Variants in TNRC6B observed in about 807,000 individuals in gnomAD.
TNRC6B encodes trinucleotide repeat-containing gene 6B protein.
Under a neutral mutation model 203.6 loss-of-function variants are expected in TNRC6B, and 52 were observed. The ratio of observed to expected loss-of-function variants is 0.26; its 90% CI spans 0.20 to 0.32. The LOEUF is 0.32. TNRC6B is among the 10% of genes least tolerant of loss of function. The probability of loss-of-function intolerance (pLI) is 1.00; values close to 1 mark genes in which losing one functional copy is unlikely to be tolerated. For missense variants in TNRC6B, 1,923 were observed against 2,286.2 expected (o/e 0.84, Z 3.24); for synonymous variants, 838 against 845.7 (o/e 0.99, Z 0.16).
At chr22:40,091,878 T>G (rs546791852) in intron 1 of TNRC6B, among the ~76,000 whole-genome samples, 2 of 152,340 alleles carry the variant, frequency 1.3e-5, no homozygotes, top group Admixed American at 1.3e-4. Flanking sequence ...TGTATGGGTG[T>G]GAGACTTGAA....
chr22:40,130,749 C>T (rs1234008108), intron 3 of TNRC6B, among the ~76,000 whole-genome samples: 3 of 130,974 alleles, frequency 2.3e-5, no homozygotes, highest in African/African-American at 9.1e-5. Context: ...CGCCGCTGCA[C>T]TCCAGCCTGG....
At chr22:40,228,217 TAGGAGATTG>T (rs1166036897) in intron 1 of TNRC6B, among the ~76,000 whole-genome samples, 1 of 151,902 alleles carries the variant, frequency 6.6e-6, no homozygotes, top group African/African-American at 2.4e-5. Flanking sequence ...CGCCTGATGT[TAGGAGATTG>T]AGACCAGCCT....
At chr22:40,241,569 C>T (rs1392472719) in intron 1 of TNRC6B, among the ~76,000 whole-genome samples, 1 of 152,200 alleles carries the variant, frequency 6.6e-6, no homozygotes, top group East Asian at 1.9e-4. Flanking sequence ...AGGTTAAACA[C>T]ATTTAAAAGG....
At position 40,161,427 on chromosome 22, in the gene TNRC6B, G is replaced by A. The variant is rs575116167; in HGVS notation, c.113+5245G>A. On this transcript the variant is annotated intron_variant, in intron 4 of 23. Transcript: ENST00000301923. The stretch of plus-strand genomic sequence containing the variant: ...AGGTCACAGAGCAGATTCTTGTAAT[G>A]ATTAGGACTAAAATTATGTAATTAG... Among the ~76,000 whole-genome samples, 34 of 152,250 alleles carry A rather than the reference G, an allele frequency of 2.2e-4. 1 individual carries two copies. The South Asian group carries it at 7.1e-3, about 32-fold the overall frequency.
intron 1 of TNRC6B, among the ~76,000 whole-genome samples, chr22:40,242,317 T>C (rs1569034989): frequency 6.6e-6 from 1 of 152,250 alleles, no homozygotes; most frequent in East Asian, 1.9e-4. Context: ...TTCACGTCAA[T>C]AACTAATTTA....
At position 40,097,235 on chromosome 22, in the gene TNRC6B, A is replaced by AT. The variant is rs1180914465; in HGVS notation, c.-120-19819dup. ...AATTTATGCTCTTTGTAAAAACTTG[A>AT]TGTTTATGAAGTAGAAAATGGAAAA... On this transcript the variant is annotated intron_variant, in intron 1 of 23. Coordinates refer to the TNRC6B transcript ENST00000301923. 2.6e-5 allele frequency among the ~76,000 whole-genome samples: 4 copies of AT among 152,258 alleles called. No homozygotes were observed. In the East Asian group the frequency reaches 7.7e-4, roughly 29 times the overall value.
chr22:40,323,132 A>C lies in TNRC6B; in HGVS notation c.5393A>C (p.Tyr1798Ser). The change falls in exon 23 of 23, where the codon TAT becomes TCT. Residue 1798 changes from tyrosine to serine, a missense_variant. By Grantham distance (144) the Tyr-to-Ser change is moderately radical (BLOSUM62 -2). Coordinates refer to ENST00000454349, the MANE Select transcript of TNRC6B (RefSeq NM_001162501.2). ...GCTTCATTGTGGGGGCCCCCAAACT[A>C]TTCTTCTAGCTTATGGGGAGTCCCA... ...AGASLWGPPN[Y>S]SSSLWGVPTV... 6.2e-7 allele frequency: 1 copy of C among 1,613,596 alleles called. No homozygotes were observed. The highest frequency in any genetic ancestry group is 2.2e-5 in the East Asian group (1 of 44,868).
chr22:40,304,569 A>C (rs1376796755), intron 15 of TNRC6B, among the ~76,000 whole-genome samples: 2 of 152,238 alleles, frequency 1.3e-5, no homozygotes, highest in Non-Finnish European at 2.9e-5. Flanking sequence ...GTTCCCATCT[A>C]CTTATTTATA....
rs886617571 is a variant in TNRC6B, at chr22:40,208,130, A to C, written c.5+29990A>C. ...CCATCTCAAAAAAAAAAAAAAAAAA[A>C]AACAAAAAAACAAGAAAAAAACAAG... On this transcript the variant is annotated intron_variant, in intron 1 of 22. Coordinates refer to ENST00000454349, the MANE Select transcript of TNRC6B (RefSeq NM_001162501.2). Among the ~76,000 whole-genome samples, 3 of 105,894 alleles carry C rather than the reference A, an allele frequency of 2.8e-5. No homozygotes were observed. In the Admixed American group the frequency reaches 3.9e-4, roughly 14 times the overall value. 69.5% of individuals were successfully genotyped at this position (105,894 alleles called of 152,430 possible). A position where few individuals can be genotyped will look rare whatever the true frequency, so the allele number is the denominator to read the frequency against.
chr22:40,133,443 G>A (rs748999821), intron 3 of TNRC6B, among the ~76,000 whole-genome samples: 5 of 152,080 alleles, frequency 3.3e-5, no homozygotes, highest in Non-Finnish European at 4.4e-5. Flanking sequence ...TGCATTTCGG[G>A]CACTTTTAAC....
At chr22:40,135,485 C>T (rs1403647438) in intron 3 of TNRC6B, among the ~76,000 whole-genome samples, 1 of 152,136 alleles carries the variant, frequency 6.6e-6, no homozygotes, top group Non-Finnish European at 1.5e-5. Flanking sequence ...ACCTTATTGA[C>T]ACCTTGAAGT....
intron 3 of TNRC6B, among the ~76,000 whole-genome samples, chr22:40,142,835 A>G (rs1006190213): frequency 1.8e-4 from 28 of 152,092 alleles, no homozygotes; most frequent in African/African-American, 5.3e-4. Context: ...GACTAATGTA[A>G]TTAAGTGAGG....
chr22:40,195,116 G>C (rs1295158235), intron 1 of TNRC6B, among the ~76,000 whole-genome samples: 1 of 152,134 alleles, frequency 6.6e-6, no homozygotes, highest in African/African-American at 2.4e-5. Context: ...GTATGTTCAT[G>C]GTACCTTTTT....
In TNRC6B at chr22:40,300,431, T is replaced by G. The variant is rs780846348; in HGVS notation, c.3709-24T>G. The G allele has an allele frequency of 2.8e-5, 42 of 1,524,222 alleles. No individual in the cohort carries two copies. In the Admixed American group the frequency reaches 4.8e-4, roughly 17 times the overall value. 94.4% of individuals were successfully genotyped at this position (1,524,222 alleles called of 1,614,324 possible). On this transcript the variant is annotated intron_variant, in intron 12 of 22. Coordinates refer to ENST00000454349, the MANE Select transcript of TNRC6B (RefSeq NM_001162501.2). Reference sequence around the variant, plus strand: ...AATTCTGAAGATTCCTTTTCTTTTCTTTCTTTTTTATTTTTTTGGCTAGGT... The same window carrying G: ...AATTCTGAAGATTCCTTTTCTTTTCGTTCTTTTTTATTTTTTTGGCTAGGT...
chr22:40,194,943 T>C (rs961257576), intron 1 of TNRC6B, among the ~76,000 whole-genome samples: 1 of 152,248 alleles, frequency 6.6e-6, no homozygotes, highest in African/African-American at 2.4e-5. Flanking sequence ...ACTCAGGGTC[T>C]AGGCCCTTTG....
In TNRC6B at chr22:40,301,587, G is replaced by T. The variant is rs114212930; in HGVS notation, c.4120+254G>T. 9.7e-3 allele frequency: 4,132 copies of T among 425,636 alleles called. 116 individuals carry two copies. Among genetic ancestry groups the T allele is most frequent in the African/African-American group, 0.069 (3,397 of 49,250 alleles). 26.4% of individuals were successfully genotyped at this position (425,636 alleles called of 1,614,324 possible). A position where few individuals can be genotyped will look rare whatever the true frequency, so the allele number is the denominator to read the frequency against. On this transcript the variant is annotated intron_variant, in intron 15 of 22. Coordinates refer to ENST00000454349, the MANE Select transcript of TNRC6B (RefSeq NM_001162501.2). ...CTCCAAAGCAGTCTTCCTTTTTTTT[G>T]TGTGTGTGTGTGTGTCTGGTTTATT...
At chr22:40,132,114 G>A (rs555162664) in intron 3 of TNRC6B, among the ~76,000 whole-genome samples, 21 of 152,232 alleles carry the variant, frequency 1.4e-4, no homozygotes, top group East Asian at 7.7e-4. Flanking sequence ...TTGGGAGGCC[G>A]AGGCAGGCAG....
intron 4 of TNRC6B, among the ~76,000 whole-genome samples, chr22:40,158,111 G>T (rs1486883612): frequency 6.6e-6 from 1 of 152,162 alleles, no homozygotes; most frequent in East Asian, 1.9e-4. Flanking sequence ...GCCAAGGCGA[G>T]TGGATCACTT....
intron 1 of TNRC6B, among the ~76,000 whole-genome samples, chr22:40,231,720 A>C (rs2146450884): frequency 6.6e-6 from 1 of 152,338 alleles, no homozygotes. Context: ...ACCGCTGGAA[A>C]GTCTAATGAA....
Sources: gnomAD v4.1 joint callset for allele counts (sites outside exome capture counted in the v4.1 genomes callset) on GRCh38, gnomAD v4.1.1 for gene constraint, MANE v1.5 for transcripts, NCBI Gene and HGNC (gene_info 2026-07-23, HGNC 2026-07-21) for gene names.